The following FER variants were observed in gnomAD, a reference collection of about 807,000 sequenced individuals.
FER encodes the protein tyrosine-protein kinase Fer.
In FER, 63 loss-of-function variants were observed where a neutral mutation model predicts 111.0. That is an observed-to-expected ratio of 0.57 (90% CI 0.46 to 0.70). The LOEUF (loss-of-function observed/expected upper bound fraction) is 0.70, where lower values mean the gene tolerates loss of function less well. Among genes scored for constraint, FER ranks in the 30% least tolerant of loss-of-function variants. The pLI, the probability that FER is intolerant of heterozygous loss-of-function variation, is 0.00. For missense variants in FER, 914 were observed against 954.0 expected, an observed-to-expected ratio of 0.96 and a Z score of 0.55; for synonymous variants, 327 against 313.9, an observed-to-expected ratio of 1.04 and a Z score of -0.44.
intron 3 of FER, among the ~76,000 whole-genome samples, chr5:108,800,742 A>C (rs1756549883): frequency 6.6e-6 from 1 of 152,190 alleles, no homozygotes; most frequent in Non-Finnish European, 1.5e-5. Flanking sequence ...TTTTCGTATT[A>C]TATCTTAAAA....
In FER at chr5:108,860,731, G is replaced by A. The variant is rs566428426; in HGVS notation, c.482-7036G>A. Among the ~76,000 whole-genome samples the A allele has an allele frequency of 4.6e-5, 7 of 152,288 alleles. No individual in the cohort carries two copies. The South Asian group carries it at 6.2e-4, about 14-fold the overall frequency. ...AAGTAAAATTGTGAAATTGAGCAGC[G>A]TATTAGTCTGTTTTCACACTGCTAT... On this transcript the variant is annotated intron_variant, in intron 5 of 19. Coordinates refer to ENST00000281092, the MANE Select transcript of FER (RefSeq NM_005246.4).
chr5:108,953,013 A>G (rs1437399182), intron 11 of FER, among the ~76,000 whole-genome samples: 3 of 151,988 alleles, frequency 2.0e-5, no homozygotes, highest in Admixed American at 1.3e-4. Context: ...CAGTTTTGCT[A>G]TTGGTGAGAC....
At chr5:108,927,195 C>G (rs963916401) in intron 10 of FER, among the ~76,000 whole-genome samples, 1 of 150,720 alleles carries the variant, frequency 6.6e-6, no homozygotes, top group Non-Finnish European at 1.5e-5. Context: ...ACTTCCTGTT[C>G]AACAGAAGAT....
At chr5:108,880,248 A>AG (rs914737307) in intron 8 of FER, among the ~76,000 whole-genome samples, 1 of 152,168 alleles carries the variant, frequency 6.6e-6, no homozygotes, top group African/African-American at 2.4e-5. Context: ...GGAAATGTGC[A>AG]GGGAAGAGCA....
intron 3 of FER, among the ~76,000 whole-genome samples, chr5:108,803,056 A>G (rs866016488): frequency 1.1e-4 from 16 of 152,120 alleles, no homozygotes; most frequent in African/African-American, 3.9e-4. Flanking sequence ...GTGAGATGGT[A>G]TCTCATTGTG....
chr5:108,774,660 C>T (rs1027252782), intron 2 of FER, among the ~76,000 whole-genome samples: 1 of 151,556 alleles, frequency 6.6e-6, no homozygotes, highest in African/African-American at 2.4e-5. Context: ...ATCAGTGGAG[C>T]TTTTTTTCAT....
chr5:108,934,641 G>A (rs1047449897), intron 10 of FER, among the ~76,000 whole-genome samples: 2 of 152,094 alleles, frequency 1.3e-5, no homozygotes, highest in Non-Finnish European at 2.9e-5. Context: ...AGATGCTAGC[G>A]AAGCAAATAA....
At chr5:108,923,078 T>C (rs965718121) in intron 10 of FER, among the ~76,000 whole-genome samples, 1 of 152,162 alleles carries the variant, frequency 6.6e-6, no homozygotes, top group Admixed American at 6.5e-5. Flanking sequence ...TAACAGAAAC[T>C]ATTTCATAGG....
At chr5:108,840,401 A>T (rs1761139157) in intron 5 of FER, among the ~76,000 whole-genome samples, 1 of 152,136 alleles carries the variant, frequency 6.6e-6, no homozygotes, top group Admixed American at 6.5e-5. Flanking sequence ...TTTTCTGTCC[A>T]TCATTTCCTT....
At chr5:108,806,316 G>C (rs1757204098) in intron 3 of FER, among the ~76,000 whole-genome samples, 1 of 152,216 alleles carries the variant, frequency 6.6e-6, no homozygotes, top group African/African-American at 2.4e-5. Context: ...GTTTGCCACA[G>C]GGGTGGGGCT....
chr5:108,864,783 A>T (rs1197435626), intron 5 of FER, among the ~76,000 whole-genome samples: 1 of 152,140 alleles, frequency 6.6e-6, no homozygotes, highest in East Asian at 1.9e-4. Flanking sequence ...GTTTGAAGTC[A>T]GGTAGCATGA....
intron 13 of FER, among the ~76,000 whole-genome samples, chr5:108,988,416 C>G (rs944597268): frequency 6.6e-6 from 1 of 152,100 alleles, no homozygotes; most frequent in Non-Finnish European, 1.5e-5. Flanking sequence ...CCATCTGGTC[C>G]TGGACTTTTT....
intron 5 of FER, among the ~76,000 whole-genome samples, chr5:108,860,672 C>T (rs1161009830): frequency 1.3e-5 from 2 of 152,170 alleles, no homozygotes; most frequent in African/African-American, 2.4e-5. Context: ...TTTCTTCATA[C>T]TCAGTGTGCC....
intron 14 of FER, among the ~76,000 whole-genome samples, chr5:109,038,327 C>G (rs1214694266): frequency 6.6e-6 from 1 of 151,704 alleles, no homozygotes; most frequent in Non-Finnish European, 1.5e-5. Context: ...TTAGGAAAAG[C>G]TAACATACAT....
chr5:109,041,472 G>A (rs1363529734), intron 14 of FER, among the ~76,000 whole-genome samples: 2 of 151,936 alleles, frequency 1.3e-5, no homozygotes, highest in Admixed American at 6.6e-5. Flanking sequence ...AAAAAAAGAG[G>A]AAGTAAGCTA....
intron 13 of FER, among the ~76,000 whole-genome samples, chr5:108,998,756 C>T (rs908110558): frequency 2.0e-5 from 3 of 152,122 alleles, no homozygotes; most frequent in Non-Finnish European, 4.4e-5. Flanking sequence ...TGATGAATTA[C>T]ATTTATTGAT....
intron 17 of FER, among the ~76,000 whole-genome samples, chr5:109,175,197 C>G (rs1757546840): frequency 6.6e-6 from 1 of 152,124 alleles, no homozygotes; most frequent in Non-Finnish European, 1.5e-5. Flanking sequence ...GTTTCTGAGG[C>G]TAAATTCAAG....
chr5:108,818,713 G>A (rs1320683632), intron 3 of FER, among the ~76,000 whole-genome samples: 1 of 152,102 alleles, frequency 6.6e-6, no homozygotes, highest in African/African-American at 2.4e-5. Context: ...TCTGTTCAGG[G>A]AGATTTGAGA....
At chr5:108,778,267 C>T (rs1281173126) in intron 2 of FER, among the ~76,000 whole-genome samples, 3 of 152,106 alleles carry the variant, frequency 2.0e-5, no homozygotes, top group Non-Finnish European at 4.4e-5. Context: ...CATTGATGTT[C>T]AATGTTCAGG....
Sources: gnomAD v4.1 joint callset for allele counts (sites outside exome capture counted in the v4.1 genomes callset) on GRCh38, gnomAD v4.1.1 for gene constraint, MANE v1.5 for transcripts, NCBI Gene and HGNC (gene_info 2026-07-23, HGNC 2026-07-21) for gene names.